Variants in LRMDA observed in about 807,000 individuals in gnomAD.
LRMDA encodes leucine rich melanocyte differentiation associated, also known as leucine-rich melanocyte differentiation-associated protein.
LRMDA carries 18 observed loss-of-function variants against 29.8 expected under a neutral mutation model. That is an observed-to-expected ratio of 0.60 (90% CI 0.42 to 0.90). The LOEUF is 0.90. Ranked by LOEUF, LRMDA falls within the 40% of genes least tolerant of loss-of-function variation. The probability of loss-of-function intolerance (pLI) is 0.00; values close to 1 mark genes in which losing one functional copy is unlikely to be tolerated. For missense variants in LRMDA, 273 were observed against 273.9 expected, an observed-to-expected ratio of 1.00 and a Z score of 0.02; for synonymous variants, 125 against 109.4, an observed-to-expected ratio of 1.14 and a Z score of -0.89.
intron 2 of LRMDA, among the ~76,000 whole-genome samples, chr10:75,694,515 A>T (rs1842208026): frequency 6.6e-6 from 1 of 152,212 alleles, no homozygotes; most frequent in Non-Finnish European, 1.5e-5. Context: ...CATAAATCAG[A>T]TTAAGAGCAG....
chr10:76,356,674 G>A (rs1052272028), intron 6 of LRMDA, among the ~76,000 whole-genome samples: 17 of 152,126 alleles, frequency 1.1e-4, no homozygotes, highest in Admixed American at 5.9e-4. Flanking sequence ...CTATGTATGC[G>A]TGTACATCTG....
chr10:76,201,383 C>T (rs558734241), intron 5 of LRMDA, among the ~76,000 whole-genome samples: 37 of 152,290 alleles, frequency 2.4e-4, no homozygotes, highest in African/African-American at 8.4e-4. Context: ...GTGAGCCCCA[C>T]GCCCGGAGTG....
chr10:76,516,646 T>C (rs921253338), intron 6 of LRMDA, among the ~76,000 whole-genome samples: 1 of 152,180 alleles, frequency 6.6e-6, no homozygotes, highest in Non-Finnish European at 1.5e-5. Context: ...TCCAGTTTCA[T>C]CCATGTCCCT....
chr10:76,411,458 A>G (rs934393169), intron 6 of LRMDA, among the ~76,000 whole-genome samples: 7 of 152,202 alleles, frequency 4.6e-5, no homozygotes, highest in East Asian at 1.9e-4. Flanking sequence ...GCCATGTTTC[A>G]TGGACTCCCT....
chr10:75,511,867 T>C (rs1416330359), intron 2 of LRMDA, among the ~76,000 whole-genome samples: 1 of 152,174 alleles, frequency 6.6e-6, no homozygotes, highest in African/African-American at 2.4e-5. Flanking sequence ...AACTGGAACT[T>C]CTTGTTAAAT....
At chr10:76,408,039 C>T (rs914868807) in intron 6 of LRMDA, among the ~76,000 whole-genome samples, 1 of 152,178 alleles carries the variant, frequency 6.6e-6, no homozygotes, top group African/African-American at 2.4e-5. Context: ...TTTCCCTACT[C>T]CTCCCAGTGT....
intron 2 of LRMDA, among the ~76,000 whole-genome samples, chr10:75,509,649 T>C (rs747610929): frequency 3.3e-5 from 5 of 152,262 alleles, no homozygotes; most frequent in Non-Finnish European, 5.9e-5. Context: ...TCCATGTTTC[T>C]ATTTGAGGTC....
chr10:75,868,796 G>A (rs1310102303), intron 2 of LRMDA, among the ~76,000 whole-genome samples: 1 of 151,968 alleles, frequency 6.6e-6, no homozygotes. Flanking sequence ...CTCCATCCTG[G>A]CTCACCTTCA....
At chr10:75,797,907 A>T (rs1323237910) in intron 2 of LRMDA, among the ~76,000 whole-genome samples, 1 of 152,164 alleles carries the variant, frequency 6.6e-6, no homozygotes, top group Admixed American at 6.5e-5. Flanking sequence ...CTGAATTCTA[A>T]AATGACTGCA....
At chr10:76,021,553 C>T (rs1847974474) in intron 2 of LRMDA, among the ~76,000 whole-genome samples, 1 of 152,188 alleles carries the variant, frequency 6.6e-6, no homozygotes, top group Non-Finnish European at 1.5e-5. Flanking sequence ...AGTGTGCTGT[C>T]CTCTGCAACA....
intron 2 of LRMDA, among the ~76,000 whole-genome samples, chr10:75,959,009 C>G (rs541014544): frequency 6.6e-6 from 1 of 152,232 alleles, no homozygotes; most frequent in East Asian, 1.9e-4. Context: ...TATCTCCCAC[C>G]GGGTCTCTCC....
chr10:76,060,511 C>T (rs1480532906), intron 5 of LRMDA, among the ~76,000 whole-genome samples: 3 of 152,170 alleles, frequency 2.0e-5, no homozygotes, highest in Non-Finnish European at 2.9e-5. Context: ...CTGGGCTGCC[C>T]CAGGTCACCT....
At chr10:76,162,573 G>A (rs893875183) in intron 5 of LRMDA, among the ~76,000 whole-genome samples, 2 of 152,180 alleles carry the variant, frequency 1.3e-5, no homozygotes. Flanking sequence ...CAGGTGGATA[G>A]TGGGAGCAGG....
chr10:76,327,146 C>T (rs1840845157), intron 6 of LRMDA, among the ~76,000 whole-genome samples: 1 of 146,242 alleles, frequency 6.8e-6, no homozygotes. Context: ...GGCTGGAGTG[C>T]AATGGCACAA....
chr10:76,462,641 G>A (rs900240752), intron 6 of LRMDA, among the ~76,000 whole-genome samples: 1 of 152,164 alleles, frequency 6.6e-6, no homozygotes, highest in African/African-American at 2.4e-5. Flanking sequence ...CTTTGCCTGT[G>A]CTGAGTGGTG....
intron 2 of LRMDA, among the ~76,000 whole-genome samples, chr10:75,985,512 C>T (rs976895499): frequency 6.6e-6 from 1 of 152,224 alleles, no homozygotes; most frequent in Admixed American, 6.5e-5. Context: ...GTGAACTCCA[C>T]AAGGCTTTCA....
chr10:75,464,923 T>C (rs1844630786), intron 2 of LRMDA, among the ~76,000 whole-genome samples: 1 of 152,156 alleles, frequency 6.6e-6, no homozygotes, highest in Non-Finnish European at 1.5e-5. Flanking sequence ...AATGAACTAA[T>C]GAGTAATTGG....
intron 6 of LRMDA, among the ~76,000 whole-genome samples, chr10:76,506,087 C>G (rs1225681956): frequency 6.6e-6 from 1 of 152,128 alleles, no homozygotes; most frequent in Non-Finnish European, 1.5e-5. Context: ...CCCTCTTCAG[C>G]CTTGGGGTCT....
chr10:76,400,741 T>A (rs549801752), intron 6 of LRMDA, among the ~76,000 whole-genome samples: 10 of 45,318 alleles, frequency 2.2e-4, no homozygotes, highest in African/African-American at 9.3e-4. Flanking sequence ...CATAAAAGCT[T>A]TTTTGATCTC....
Sources: gnomAD v4.1 joint callset for allele counts (sites outside exome capture counted in the v4.1 genomes callset) on GRCh38, gnomAD v4.1.1 for gene constraint, MANE v1.5 for transcripts, NCBI Gene and HGNC (gene_info 2026-07-23, HGNC 2026-07-21) for gene names.